Variants in TNFSF11 observed in about 807,000 individuals in gnomAD.
The protein encoded by TNFSF11 is tumor necrosis factor ligand superfamily member 11.
Under a neutral mutation model 32.2 loss-of-function variants are expected in TNFSF11, and 12 were observed. That is an observed-to-expected ratio of 0.37 (90% CI 0.24 to 0.60). The LOEUF is 0.60. Among genes scored for constraint, TNFSF11 ranks in the 20% least tolerant of loss-of-function variants. TNFSF11 has a pLI of 0.66. For missense variants in TNFSF11, 345 were observed against 398.0 expected (o/e 0.87, Z 1.13); for synonymous variants, 172 against 152.1 (o/e 1.13, Z -0.96).
At chr13:42,568,960 G>T (rs930118539) in intron 2 of TNFSF11, among the ~76,000 whole-genome samples, 39 of 152,220 alleles carry the variant, frequency 2.6e-4, no homozygotes, top group Non-Finnish European at 7.4e-5. Context: ...CAAATCCAAG[G>T]GGTTTAACTG....
intron 2 of TNFSF11, among the ~76,000 whole-genome samples, chr13:42,591,823 C>T (rs1035641817): frequency 1.1e-4 from 16 of 152,296 alleles, no homozygotes; most frequent in East Asian, 7.7e-4. Context: ...GAAATAAGAG[C>T]GTTGCAATTA....
chr13:42,581,320 CA>C (rs1873605071), intron 2 of TNFSF11, 27 bp downstream of exon 2: 10 of 1,613,274 alleles, frequency 6.2e-6, no homozygotes, highest in Non-Finnish European at 8.5e-6. Context: ...GCTGATAAGT[CA>C]AGGGCCCTTG....
At chr13:42,569,069 A>T (rs1174676714) in intron 2 of TNFSF11, among the ~76,000 whole-genome samples, 2 of 152,144 alleles carry the variant, frequency 1.3e-5, no homozygotes, top group African/African-American at 4.8e-5. Context: ...GCTTTCCCAC[A>T]CTGCAGTAGG....
At chr13:42,605,852 G>T (rs182951088) in intron 4 of TNFSF11, among the ~76,000 whole-genome samples, 1 of 152,346 alleles carries the variant, frequency 6.6e-6, no homozygotes, top group East Asian at 1.9e-4. Context: ...TAGATTATGA[G>T]AATTGAGTTT....
chr13:42,574,879 C>T (rs557971265), intron 1 of TNFSF11, among the ~76,000 whole-genome samples: 84 of 152,234 alleles, frequency 5.5e-4, no homozygotes, highest in Non-Finnish European at 1.1e-3. Flanking sequence ...TCATTTCTCA[C>T]TTGAAGTTAA....
intron 2 of TNFSF11, among the ~76,000 whole-genome samples, chr13:42,585,765 G>A (rs1354203453): frequency 6.6e-6 from 1 of 152,200 alleles, no homozygotes; most frequent in Non-Finnish European, 1.5e-5. Flanking sequence ...AAAGCCATCT[G>A]TTTATGCACT....
rs1453975428 is a variant in TNFSF11, at chr13:42,607,216, AG to A, written c.*302del. On this transcript the variant is annotated 3_prime_UTR_variant, in exon 5 of 5. Transcript: ENST00000398795. The stretch of plus-strand genomic sequence containing the variant: ...TGAGAAACTGCATGTGGGCTATGGG[AG>A]GGGTTGGTCCCTGGTCATGTGCCCC... 1 of 335,204 alleles carries A rather than the reference AG, an allele frequency of 3.0e-6. No individual in the cohort carries two copies. The highest frequency in any genetic ancestry group is 2.1e-5 in the African/African-American group (1 of 46,582). The allele number at this position is 335,204 out of a possible 1,614,324, so 20.8% of individuals were successfully genotyped here.
intron 2 of TNFSF11, among the ~76,000 whole-genome samples, chr13:42,585,342 G>A (rs554701274): frequency 4.7e-4 from 72 of 152,154 alleles, no homozygotes; most frequent in Non-Finnish European, 8.5e-4. Context: ...CCCTCCAGTG[G>A]TAACAGATAC....
chr13:42,588,535 G>A (rs1380892021), intron 2 of TNFSF11, among the ~76,000 whole-genome samples: 1 of 152,212 alleles, frequency 6.6e-6, no homozygotes, highest in African/African-American at 2.4e-5. Context: ...TGGTTGGAGA[G>A]CATGACAGCA....
chr13:42,605,232 T>C (rs535909684), intron 4 of TNFSF11, among the ~76,000 whole-genome samples: 1 of 152,362 alleles, frequency 6.6e-6, no homozygotes, highest in Non-Finnish European at 1.5e-5. Flanking sequence ...AAGTTGTGGT[T>C]GGGTGTGACA....
At chr13:42,573,875 C>CCTCTG (rs1449295303), upstream of TNFSF11, among the ~76,000 whole-genome samples, 4 of 152,146 alleles carry the variant, frequency 2.6e-5, no homozygotes, top group Admixed American at 2.6e-4. Context: ...GCAAAGGTGT[C>CCTCTG]CTCTGCGTCT....
chr13:42,605,741 T>C (rs898917021), intron 4 of TNFSF11, among the ~76,000 whole-genome samples: 14 of 152,142 alleles, frequency 9.2e-5, no homozygotes, highest in Admixed American at 9.2e-4. Context: ...AGCTAGGGAG[T>C]GCAATGCTAA....
At chr13:42,584,863 A>G (rs1022881953) in intron 2 of TNFSF11, among the ~76,000 whole-genome samples, 5 of 152,232 alleles carry the variant, frequency 3.3e-5, no homozygotes, top group Non-Finnish European at 5.9e-5. Context: ...ATAATATCAG[A>G]CACAAGTAAT....
chr13:42,582,904 A>G (rs1873686095), intron 2 of TNFSF11, among the ~76,000 whole-genome samples: 1 of 152,206 alleles, frequency 6.6e-6, no homozygotes, highest in African/African-American at 2.4e-5. Flanking sequence ...GCAATCTGCT[A>G]GTTCAAAATG....
At position 42,600,758 on chromosome 13, in the gene TNFSF11, C is replaced by G; in HGVS notation, c.394C>G (p.Gln132Glu). 6.2e-7 allele frequency: 1 copy of G among 1,613,764 alleles called. No homozygotes were observed. The highest frequency in any genetic ancestry group is 8.5e-7 in the Non-Finnish European group (1 of 1,179,878). ...TTTTTCCTTTTTATTTCAGGAATTACAACATATCGTTGGATCACAGCACAT... is the reference window on the plus strand; with the variant it reads ...TTTTTCCTTTTTATTTCAGGAATTAGAACATATCGTTGGATCACAGCACAT... ...AFQGAVQKEL[Q>E]HIVGSQHIRA... Residue 132 changes from glutamine (Q) to glutamate (E), a missense_variant, in exon 3 of 5, where the codon CAA (glutamine) becomes GAA (glutamate). Transcript: ENST00000398795.
chr13:42,579,305 G>A (rs1000630813), intron 1 of TNFSF11, among the ~76,000 whole-genome samples: 3 of 151,888 alleles, frequency 2.0e-5, no homozygotes, highest in African/African-American at 7.3e-5. Flanking sequence ...CTACATGGAA[G>A]GCTAAGGAAG....
intron 2 of TNFSF11, among the ~76,000 whole-genome samples, chr13:42,596,490 T>C (rs984332130): frequency 1.3e-5 from 2 of 152,206 alleles, no homozygotes; most frequent in Non-Finnish European, 2.9e-5. Flanking sequence ...GTGTATTTTA[T>C]GACGATGGCT....
In TNFSF11 at chr13:42,606,910, A is replaced by G; in HGVS notation, c.946A>G (p.Ile316Val). The change falls in exon 5 of 5, where the codon ATA (isoleucine) becomes GTA (valine). Residue 316 changes from isoleucine to valine, a missense_variant. Physicochemically the swap from Ile to Val is conservative, Grantham distance 29 (BLOSUM62 3). This residue lies in a region of TNFSF11 where 148 missense variants were observed against 216.0 expected (regional missense o/e 0.69). Transcript: ENST00000398795. ...TYFGAFKVRD[I>V]D ...CTTTGGGGCTTTTAAAGTTCGAGATATAGATTGAGCCCCAGTTTTTGGAGT... is the reference window on the plus strand; with the variant it reads ...CTTTGGGGCTTTTAAAGTTCGAGATGTAGATTGAGCCCCAGTTTTTGGAGT... 6.2e-7 allele frequency: 1 copy of G among 1,614,158 alleles called. No individual in the cohort carries two copies. The highest frequency in any genetic ancestry group is 8.5e-7 in the Non-Finnish European group (1 of 1,180,016).
intron 1 of TNFSF11, among the ~76,000 whole-genome samples, chr13:42,578,598 GT>G (rs1173047009): frequency 6.6e-6 from 1 of 152,184 alleles, no homozygotes; most frequent in Non-Finnish European, 1.5e-5. Flanking sequence ...AGTGGATGGG[GT>G]TTTATACATA....
Sources: gnomAD v4.1 joint callset for allele counts (sites outside exome capture counted in the v4.1 genomes callset) on GRCh38, gnomAD v4.1.1 for gene constraint, gnomAD v4.1.1 regional missense constraint, MANE v1.5 for transcripts, NCBI Gene and HGNC (gene_info 2026-07-23, HGNC 2026-07-21) for gene names.